Variants in MARF1 observed in about 807,000 individuals in gnomAD.
The protein encoded by MARF1 is limkain-b1.
Under a neutral mutation model 168.2 loss-of-function variants are expected in MARF1, and 24 were observed. That is an observed-to-expected ratio of 0.14 (90% CI 0.10 to 0.20). The LOEUF (loss-of-function observed/expected upper bound fraction) is 0.20. MARF1 is among the 10% of genes least tolerant of loss of function. The probability of loss-of-function intolerance (pLI) is 1.00; values close to 1 mark genes in which losing one functional copy is unlikely to be tolerated. For synonymous variants in MARF1, 868 were observed against 822.4 expected (o/e 1.06, Z -0.95); for missense variants, 1,744 against 2,143.6 (o/e 0.81, Z 3.68).
Position 15,596,957 on chromosome 16 carries a change from AAC to A in MARF1, c.4985-22_4985-21del. 1 of 1,585,124 alleles carries A rather than the reference AAC, an allele frequency of 6.3e-7. No individual in the cohort carries two copies. Among genetic ancestry groups the A allele is most frequent in the Non-Finnish European group, 8.6e-7 (1 of 1,161,098 alleles). On this transcript the variant is annotated intron_variant, in intron 26 of 26. Transcript: ENST00000396368. ...TAATTTCTGTAAACACAGAAAAGCA[AAC>A]AGATTCAGATCCAGGAACTGTAAGA...
At chr16:15,615,045 T>C (rs1482249601) in intron 16 of MARF1, among the ~76,000 whole-genome samples, 1 of 152,040 alleles carries the variant, frequency 6.6e-6, no homozygotes, top group Non-Finnish European at 1.5e-5. Context: ...CTTCCCAGAG[T>C]GCTGGGATTA....
chr16:15,635,574 A>T, intron 3 of MARF1, 82 bp downstream of exon 3: 1 of 1,262,970 alleles, frequency 7.9e-7, no homozygotes, highest in South Asian at 1.3e-5. Context: ...CCCATGTATA[A>T]TACTTTTCAA....
chr16:15,599,070 AC>A (rs749264333), intron 25 of MARF1, 46 bp from the exon 26 acceptor site: 1 of 1,566,804 alleles, frequency 6.4e-7, no homozygotes, highest in South Asian at 1.1e-5. Context: ...CTCCACGCCC[AC>A]CCCCAGCACA....
rs1435949241 is a variant in MARF1, at chr16:15,612,543, G to A, written c.3474+14C>T. 9 of 1,605,058 alleles carry A rather than the reference G, an allele frequency of 5.6e-6. No individual in the cohort carries two copies. The highest frequency in any genetic ancestry group is 1.3e-5 in the African/African-American group (1 of 74,764). Reference sequence around the variant, plus strand: ...TTCCTGCCTGTAAACAAGTAATCCCGTGACACGCCTTACCTGCAATACATG... The same window carrying A: ...TTCCTGCCTGTAAACAAGTAATCCCATGACACGCCTTACCTGCAATACATG... On this transcript the variant is annotated intron_variant, in intron 17 of 26. Coordinates refer to ENST00000396368, the MANE Select transcript of MARF1 (RefSeq NM_014647.4).
At chr16:15,635,131 T>C in intron 3 of MARF1, 200 bp from the exon 4 acceptor site, 1 of 530,844 alleles carries the variant, frequency 1.9e-6, no homozygotes, top group East Asian at 2.9e-5. Flanking sequence ...TGACTTGACA[T>C]GATCAAGAAA....
At chr16:15,615,282 G>A (rs2033949532) in intron 16 of MARF1, among the ~76,000 whole-genome samples, 1 of 151,976 alleles carries the variant, frequency 6.6e-6, no homozygotes, top group African/African-American at 2.4e-5. Context: ...GACATCTTCA[G>A]CTCAGGAGTT....
In MARF1 at chr16:15,602,220, C is replaced by T. The variant is rs775921812; in HGVS notation, c.4414-17G>A. ...AGTGAAAACCTGGTTAAAAAGAAAA[C>T]GCAGCATTAGAAATATTAGTGACTG... On this transcript the variant is annotated splice_polypyrimidine_tract_variant and intron_variant, in intron 22 of 26. Coordinates refer to ENST00000396368, the MANE Select transcript of MARF1 (RefSeq NM_014647.4). The T allele has an allele frequency of 2.1e-5, 34 of 1,606,372 alleles. No homozygotes were observed. The Admixed American group carries it at 2.8e-4, about 13-fold the overall frequency.
chr16:15,632,771 T>A (rs2035333531), intron 5 of MARF1, among the ~76,000 whole-genome samples: 1 of 152,156 alleles, frequency 6.6e-6, no homozygotes, highest in Admixed American at 6.6e-5. Flanking sequence ...ATCAATATAA[T>A]TAATTATCTA....
In MARF1 at chr16:15,643,068, C is replaced by T. The variant is rs1276637363; in HGVS notation, c.-109G>A. On this transcript the variant is annotated 5_prime_UTR_variant, in exon 1 of 27. Coordinates refer to ENST00000396368, the MANE Select transcript of MARF1 (RefSeq NM_014647.4). ...CACATTCCGGCCCCGCCGCCTTCCC[C>T]CCGCCCCCCCCAGGCCCTTTGTTTT... is the stretch of plus-strand genomic sequence containing the variant. 2.1e-5 allele frequency: 6 copies of T among 285,918 alleles called. No individual in the cohort carries two copies. Among genetic ancestry groups the T allele is most frequent in the Non-Finnish European group, 2.7e-5 (4 of 148,252 alleles). The allele number at this position is 285,918 out of a possible 1,614,324, so 17.7% of individuals were successfully genotyped here.
chr16:15,634,931 G>C lies in MARF1; in HGVS notation c.832C>G (p.Pro278Ala). 1 of 1,609,460 alleles carries C rather than the reference G, an allele frequency of 6.2e-7. No individual in the cohort carries two copies. Among genetic ancestry groups the C allele is most frequent in the Non-Finnish European group, 8.5e-7 (1 of 1,178,096 alleles). Residue 278 changes from proline to alanine, a missense_variant and splice_region_variant, in exon 4 of 27, where the codon CCA becomes GCA. Pro to Ala is a conservative substitution (Grantham distance 27). Coordinates refer to ENST00000396368, the MANE Select transcript of MARF1 (RefSeq NM_014647.4). ...GCATCGATTATGCTATTTCTTGCTG[G>C]CTGTTTTAAATTTTTTTTAAAAAGG... ...SLYCEDCLNK[P>A]ARNSIIDAAK...
In MARF1 at chr16:15,623,111, T is replaced by G; in HGVS notation, c.2283A>C (p.Pro761=). 1 of 1,591,748 alleles carries G rather than the reference T, an allele frequency of 6.3e-7. No homozygotes were observed. Among genetic ancestry groups the G allele is most frequent in the Non-Finnish European group, 8.6e-7 (1 of 1,161,956 alleles). Residue 761 remains proline (P), a synonymous_variant, in exon 11 of 27, where the codon CCA becomes CCC. Transcript: ENST00000396368. ...SQSWSSRSMS[P]NLLNRASPLA... is the part of the protein sequence containing the mutation. ...GCGGGGATGCTCTGTTTAAAAGGTT[T>G]GGAGACATACTCCTGCTTAAAACAC...
chr16:15,623,150 A>G lies in MARF1; in HGVS notation c.2271-27T>C, dbSNP rs377738958. 7.2e-6 allele frequency: 11 copies of G among 1,518,914 alleles called. No homozygotes were observed. The African/African-American group carries it at 1.5e-4, about 21-fold the overall frequency. The allele number at this position is 1,518,914 out of a possible 1,614,324, so 94.1% of individuals were successfully genotyped here. A position where few individuals can be genotyped will look rare whatever the true frequency, so the allele number is the denominator to read the frequency against. ...TGCTTAAAACACACATATTGACATT[A>G]TTTTAAAAAACTGTTCTGTATATTT... On this transcript the variant is annotated intron_variant, in intron 10 of 26. Transcript: ENST00000396368.
In MARF1 at chr16:15,615,996, A is replaced by G. The variant is rs1467853615; in HGVS notation, c.3087T>C (p.Asp1029=). 6.6e-7 allele frequency: 1 copy of G among 1,504,972 alleles called. No individual in the cohort carries two copies. Among genetic ancestry groups the G allele is most frequent in the Non-Finnish European group, 8.9e-7 (1 of 1,121,840 alleles). 93.2% of individuals were successfully genotyped at this position (1,504,972 alleles called of 1,614,324 possible). A position where few individuals can be genotyped will look rare whatever the true frequency, so the allele number is the denominator to read the frequency against. ...EGTVPLLSFP[D]CYIAEFGDLE... is the part of the protein sequence containing the mutation. ...GATCGCCAAACTCTGCAATGTAACA[A>G]TCTGGAAAGCTGAAATAGGAAAAAA... Residue 1029 remains aspartate (D), a synonymous_variant, in exon 16 of 27, where the codon GAT becomes GAC. Transcript: ENST00000396368.
At chr16:15,598,641 C>G (rs1456714122) in intron 26 of MARF1, among the ~76,000 whole-genome samples, 1 of 144,928 alleles carries the variant, frequency 6.9e-6, no homozygotes, top group Non-Finnish European at 1.5e-5. Context: ...GCTGCCAAAT[C>G]GCCCTTGCCT....
chr16:15,607,275 G>A (rs1259383082), intron 21 of MARF1, among the ~76,000 whole-genome samples: 1 of 152,318 alleles, frequency 6.6e-6, no homozygotes, highest in Non-Finnish European at 1.5e-5. Context: ...GGGGCTGGGT[G>A]CAGTGGCTCA....
intron 16 of MARF1, among the ~76,000 whole-genome samples, chr16:15,614,706 T>C (rs1369566947): frequency 1.3e-5 from 2 of 150,512 alleles, no homozygotes; most frequent in African/African-American, 4.9e-5. Context: ...GGCAGGGGAA[T>C]GGCGTGAACT....
intron 7 of MARF1, among the ~76,000 whole-genome samples, chr16:15,628,479 G>A (rs546752568): frequency 1.7e-4 from 26 of 150,622 alleles, no homozygotes; most frequent in Non-Finnish European, 2.8e-4. Flanking sequence ...GTGTGATCTC[G>A]GCTTACTGCA....
At chr16:15,638,004 T>C (rs1567594213) in intron 2 of MARF1, among the ~76,000 whole-genome samples, 1 of 150,188 alleles carries the variant, frequency 6.7e-6, no homozygotes, top group Non-Finnish European at 1.5e-5. Flanking sequence ...CCATCTCTAC[T>C]AAAATACAAA....
At position 15,601,195 on chromosome 16, in the gene MARF1, T is replaced by C. The variant is rs554755422; in HGVS notation, c.4627-494A>G. ...GAGCTAGGCTCCCAGGCCCCCTACA[T>C]GTGCACACCGTCGCCAGGTCACTGA... On this transcript the variant is annotated intron_variant, in intron 23 of 26. Coordinates refer to ENST00000396368, the MANE Select transcript of MARF1 (RefSeq NM_014647.4). 2.1e-4 allele frequency: 85 copies of C among 414,594 alleles called. 5 individuals carry two copies. Among genetic ancestry groups the C allele is most frequent in the South Asian group, 1.5e-3 (85 of 57,866 alleles). The allele number at this position is 414,594 out of a possible 1,614,324, so 25.7% of individuals were successfully genotyped here.
Sources: gnomAD v4.1 joint callset for allele counts (sites outside exome capture counted in the v4.1 genomes callset) on GRCh38, gnomAD v4.1.1 for gene constraint, MANE v1.5 for transcripts, NCBI Gene and HGNC (gene_info 2026-07-23, HGNC 2026-07-21) for gene names.